Variants in MPP7 observed in about 807,000 individuals in gnomAD.
The protein encoded by MPP7 is MAGUK p55 scaffold protein 7.
MPP7 carries 60 observed loss-of-function variants against 76.5 expected under a neutral mutation model. The observed-to-expected ratio is 0.78, with a 90% confidence interval of 0.64 to 0.97. The LOEUF is 0.97. MPP7 is among the 50% of genes least tolerant of loss of function. The pLI is 0.00. For missense variants in MPP7, 641 were observed against 694.0 expected (o/e 0.92, Z 0.86); for synonymous variants, 237 against 244.5 (o/e 0.97, Z 0.29).
At chr10:28,308,489 T>G (rs1841271859) in intron 2 of MPP7, among the ~76,000 whole-genome samples, 1 of 152,230 alleles carries the variant, frequency 6.6e-6, no homozygotes, top group Admixed American at 6.5e-5. Context: ...ATAGATTCTT[T>G]CCTGAACTCC....
chr10:28,193,016 G>T (rs1329511914), intron 3 of MPP7, among the ~76,000 whole-genome samples: 1 of 152,068 alleles, frequency 6.6e-6, no homozygotes, highest in African/African-American at 2.4e-5. Flanking sequence ...GAAAAAGAAT[G>T]GTCTTTTCAA....
intron 1 of MPP7, among the ~76,000 whole-genome samples, chr10:28,248,505 T>TA (rs1839509860): frequency 6.6e-6 from 1 of 152,180 alleles, no homozygotes; most frequent in Admixed American, 6.5e-5. Context: ...CCTCCCTTTC[T>TA]AAAATCTCCC....
At chr10:28,267,626 A>G (rs1205394087) in intron 1 of MPP7, among the ~76,000 whole-genome samples, 1 of 152,214 alleles carries the variant, frequency 6.6e-6, no homozygotes, top group Non-Finnish European at 1.5e-5. Context: ...AAATATTCCA[A>G]AAGAAAAATA....
intron 1 of MPP7, among the ~76,000 whole-genome samples, chr10:28,333,448 A>G (rs1432321312): frequency 6.6e-6 from 1 of 152,148 alleles, no homozygotes. Flanking sequence ...CCTGGCCGCT[A>G]TTCTAATTCT....
intron 11 of MPP7, among the ~76,000 whole-genome samples, chr10:28,100,766 C>T (rs1436444539): frequency 6.6e-6 from 1 of 151,988 alleles, no homozygotes; most frequent in African/African-American, 2.4e-5. Context: ...AATGAAACCA[C>T]AAAAGTTAAT....
At chr10:28,235,891 A>T (rs896997265) in intron 2 of MPP7, among the ~76,000 whole-genome samples, 1 of 152,262 alleles carries the variant, frequency 6.6e-6, no homozygotes, top group African/African-American at 2.4e-5. Context: ...GGATGAATAC[A>T]CAAAATGTAA....
At chr10:28,300,507 G>C (rs1459143947) in intron 1 of MPP7, among the ~76,000 whole-genome samples, 5 of 152,098 alleles carry the variant, frequency 3.3e-5, no homozygotes, top group African/African-American at 1.2e-4. Context: ...GTTAAATAAA[G>C]CCACTAAAAC....
chr10:28,172,785 T>C (rs997047582), intron 3 of MPP7, among the ~76,000 whole-genome samples: 15 of 152,220 alleles, frequency 9.9e-5, no homozygotes, highest in African/African-American at 3.4e-4. Context: ...AATAAATTAG[T>C]CTTATTCTCA....
At chr10:28,140,174 G>A (rs571588452) in intron 5 of MPP7, among the ~76,000 whole-genome samples, 16 of 152,138 alleles carry the variant, frequency 1.1e-4, no homozygotes, top group African/African-American at 3.4e-4. Context: ...TTAAACAAGC[G>A]TGACAGCTAA....
At chr10:28,060,753 T>C (rs189877482) in intron 13 of MPP7, among the ~76,000 whole-genome samples, 10 of 152,348 alleles carry the variant, frequency 6.6e-5, no homozygotes, top group Admixed American at 5.9e-4. Flanking sequence ...AAGAAAATAC[T>C]TCACTTCTGT....
At chr10:28,231,296 G>C (rs1466274829) in intron 2 of MPP7, among the ~76,000 whole-genome samples, 1 of 150,696 alleles carries the variant, frequency 6.6e-6, no homozygotes, top group Non-Finnish European at 1.5e-5. Flanking sequence ...AGCACAAATA[G>C]AGCCAACAAA....
intron 5 of MPP7, among the ~76,000 whole-genome samples, chr10:28,133,298 T>A (rs984880464): frequency 3.3e-5 from 5 of 152,162 alleles, no homozygotes; most frequent in Non-Finnish European, 7.3e-5. Context: ...AAGTTGCCCA[T>A]CCATTGGGAT....
intron 3 of MPP7, among the ~76,000 whole-genome samples, chr10:28,173,226 T>TG (rs1836743828): frequency 1.6e-5 from 2 of 127,080 alleles, no homozygotes; most frequent in Non-Finnish European, 3.3e-5. Context: ...TGAGTAGCGA[T>TG]GAAAAAAAAA....
rs1852806783 is a variant in MPP7 at position 28,082,419 on chromosome 10, CCTT to C, written c.1123+7249_1123+7251del. Among the ~76,000 whole-genome samples the C allele has an allele frequency of 2.0e-5, 3 of 151,690 alleles. 1 individual carries two copies. The South Asian group carries it at 6.2e-4, about 32-fold the overall frequency. On this transcript the variant is annotated intron_variant, in intron 12 of 16. Coordinates refer to ENST00000683449, the MANE Select transcript of MPP7 (RefSeq NM_001318170.2). The stretch of plus-strand genomic sequence containing the variant: ...CCCTTCTTCTCCTTCTCCTCCTCCT[CCTT>C]CTCTCCTTCTCCTCCTTCCTCCTCC...
At chr10:28,082,846 C>T (rs780012537) in intron 12 of MPP7, among the ~76,000 whole-genome samples, 1 of 152,108 alleles carries the variant, frequency 6.6e-6, no homozygotes, top group African/African-American at 2.4e-5. Flanking sequence ...ATCCTTCTGC[C>T]TCAGTCTCCC....
intron 5 of MPP7, among the ~76,000 whole-genome samples, chr10:28,141,175 G>C (rs1299965278): frequency 2.6e-5 from 4 of 151,780 alleles, no homozygotes; most frequent in African/African-American, 9.7e-5. Flanking sequence ...AAAGTCACTT[G>C]ACAAAATTTA....
At chr10:28,061,699 A>C (rs6481499) in intron 13 of MPP7, among the ~76,000 whole-genome samples, 20,863 of 152,088 alleles carry the variant, frequency 0.14, 2,388 homozygotes, top group East Asian at 0.63. Context: ...AGCAAATCCC[A>C]AACAGGATAC....
At chr10:28,310,841 G>A (rs201611026) in intron 2 of MPP7, among the ~76,000 whole-genome samples, 55 of 152,350 alleles carry the variant, frequency 3.6e-4, no homozygotes, top group Admixed American at 1.1e-3. Flanking sequence ...AAGTCTATAA[G>A]TGTGGGGAAT....
chr10:28,159,237 T>C (rs1836175243), intron 3 of MPP7, among the ~76,000 whole-genome samples: 1 of 152,232 alleles, frequency 6.6e-6, no homozygotes, highest in African/African-American at 2.4e-5. Flanking sequence ...ATTTGTTGTC[T>C]AGAACAGTAT....
Sources: gnomAD v4.1 joint callset for allele counts (sites outside exome capture counted in the v4.1 genomes callset) on GRCh38, gnomAD v4.1.1 for gene constraint, MANE v1.5 for transcripts, NCBI Gene and HGNC (gene_info 2026-07-23, HGNC 2026-07-21) for gene names.